Variants in ALCAM observed in about 807,000 individuals in gnomAD.
ALCAM encodes activated leukocyte cell adhesion molecule, also known as CD166 antigen.
Under a neutral mutation model 70.9 loss-of-function variants are expected in ALCAM, and 30 were observed. The observed-to-expected ratio is 0.42, with a 90% CI of 0.32 to 0.57. The LOEUF is 0.57. ALCAM is among the 20% of genes least tolerant of loss of function. The pLI, the probability that ALCAM is intolerant of heterozygous loss-of-function variation, is 0.11. For missense variants in ALCAM, 591 were observed against 695.1 expected (o/e 0.85, Z 1.68); for synonymous variants, 249 against 242.5 (o/e 1.03, Z -0.25).
chr3:105,516,763 A>G (rs1334743230), intron 1 of ALCAM, among the ~76,000 whole-genome samples: 1 of 152,114 alleles, frequency 6.6e-6, no homozygotes, highest in Non-Finnish European at 1.5e-5. Context: ...GCTTATACAC[A>G]CAGCCATAAC....
chr3:105,556,379 T>G (rs966336941), intron 14 of ALCAM, among the ~76,000 whole-genome samples: 2 of 152,110 alleles, frequency 1.3e-5, no homozygotes, highest in African/African-American at 4.8e-5. Flanking sequence ...AAATAGTCAT[T>G]GTGTAAATCT....
chr3:105,556,523 G>A lies in ALCAM; in HGVS notation c.1664+3938G>A, dbSNP rs537855251. Among the ~76,000 whole-genome samples the A allele has an allele frequency of 1.4e-4, 21 of 152,004 alleles. No homozygotes were observed. In the South Asian group the frequency reaches 2.3e-3, roughly 17 times the overall value. On this transcript the variant is annotated intron_variant, in intron 14 of 15. Transcript: ENST00000306107. ...ACCCTTTGTTAGTTCTGCCTTATACGATGCTTTATTATTCCAGTACTTTCT... is the reference window on the plus strand; with the variant it reads ...ACCCTTTGTTAGTTCTGCCTTATACAATGCTTTATTATTCCAGTACTTTCT...
intron 1 of ALCAM, among the ~76,000 whole-genome samples, chr3:105,467,935 G>A (rs955665042): frequency 3.3e-5 from 5 of 150,982 alleles, no homozygotes; most frequent in Non-Finnish European, 7.4e-5. Context: ...CAGTTTTGTT[G>A]ACAACTGAAA....
intron 1 of ALCAM, among the ~76,000 whole-genome samples, chr3:105,434,520 A>G (rs916879359): frequency 3.3e-5 from 5 of 151,956 alleles, no homozygotes; most frequent in African/African-American, 1.2e-4. Flanking sequence ...TTTTCCTCCG[A>G]TTTTGAGTTT....
Position 105,442,967 on chromosome 3 carries a change from C to T in ALCAM, c.73+75486C>T, listed in dbSNP as rs188227544. Among the ~76,000 whole-genome samples, 61 of 152,158 alleles carry T rather than the reference C, an allele frequency of 4.0e-4. 1 individual carries two copies. The highest frequency in any genetic ancestry group is 1.5e-5 in the Non-Finnish European group (1 of 67,982). ...ACTTGAGCCCCCTGAGTAGCTTGGA[C>T]TACAGGTCACCATGCCTGGCTAATT... On this transcript the variant is annotated intron_variant, in intron 1 of 15. Transcript: ENST00000306107.
rs1940943943 is a variant in ALCAM at position 105,575,493 on chromosome 3, CT to C, written c.*1043del. 2.0e-5 allele frequency: 3 copies of C among 152,340 alleles called. No homozygotes were observed. In the South Asian group the frequency reaches 6.2e-4, roughly 32 times the overall value. 9.4% of individuals were successfully genotyped at this position (152,340 alleles called of 1,614,324 possible). ...TTCGTGTGTGTTTTTGTTAACTACC[CT>C]ACAGATATTGAATGCACCTTGAGAT... is the stretch of plus-strand genomic sequence containing the variant. On this transcript the variant is annotated 3_prime_UTR_variant, in exon 16 of 16. Coordinates refer to ENST00000306107, the MANE Select transcript of ALCAM (RefSeq NM_001627.4).
chr3:105,522,531 AT>A (rs1163549995), intron 2 of ALCAM, among the ~76,000 whole-genome samples: 6 of 152,164 alleles, frequency 3.9e-5, no homozygotes, highest in African/African-American at 1.4e-4. Flanking sequence ...CCTGGATCAT[AT>A]TGTAAACTCC....
At chr3:105,419,625 G>A (rs1936594655) in intron 1 of ALCAM, among the ~76,000 whole-genome samples, 1 of 151,686 alleles carries the variant, frequency 6.6e-6, no homozygotes, top group African/African-American at 2.4e-5. Context: ...GCAAAATTTT[G>A]TTAAGCCTTG....
chr3:105,389,938 A>G (rs1187658359), intron 1 of ALCAM, among the ~76,000 whole-genome samples: 1 of 151,964 alleles, frequency 6.6e-6, no homozygotes, highest in African/African-American at 2.4e-5. Context: ...ATGGCTGCAT[A>G]GTATTCCATT....
chr3:105,524,326 G>C lies in ALCAM; in HGVS notation c.212G>C (p.Arg71Thr), dbSNP rs758659906. ...PDGSPVFIAF[R>T]SSTKKSVQYD... ...GGCTCCCCAGTATTTATTGCCTTCA[G>C]ATCCTCTACAAAGAAAAGTGTGCAG... The change falls in exon 3 of 16, where the codon AGA becomes ACA. Residue 71 changes from arginine (R) to threonine (T), a missense_variant. Arg to Thr is a moderately conservative substitution (Grantham distance 71). Transcript: ENST00000306107. The C allele has an allele frequency of 6.2e-7, 1 of 1,614,098 alleles. No individual in the cohort carries two copies. Among genetic ancestry groups the C allele is most frequent in the African/African-American group, 1.3e-5 (1 of 75,030 alleles).
At chr3:105,454,913 C>T (rs1292430550) in intron 1 of ALCAM, among the ~76,000 whole-genome samples, 3 of 151,530 alleles carry the variant, frequency 2.0e-5, no homozygotes, top group Non-Finnish European at 2.9e-5. Context: ...CTCTTGACCT[C>T]AAGTGATATG....
intron 1 of ALCAM, among the ~76,000 whole-genome samples, chr3:105,518,072 G>A (rs1276900911): frequency 6.6e-6 from 1 of 151,970 alleles, no homozygotes; most frequent in African/African-American, 2.4e-5. Flanking sequence ...AAAGAAAAAT[G>A]GTCTGTGAGA....
chr3:105,445,220 A>G (rs930343546), intron 1 of ALCAM, among the ~76,000 whole-genome samples: 13 of 152,206 alleles, frequency 8.5e-5, no homozygotes, highest in Non-Finnish European at 1.6e-4. Context: ...CCGATTTACA[A>G]TAACTAACAA....
chr3:105,541,185 T>C (rs1300419925), intron 7 of ALCAM, among the ~76,000 whole-genome samples: 2 of 151,680 alleles, frequency 1.3e-5, no homozygotes, highest in African/African-American at 4.8e-5. Context: ...TTCTTTCTCA[T>C]TCTTCTCATT....
chr3:105,545,374 G>T, intron 9 of ALCAM, 39 bp downstream of exon 9: 1 of 1,475,542 alleles, frequency 6.8e-7, no homozygotes, highest in South Asian at 1.1e-5. Context: ...TGTTTGGTTT[G>T]ATTTCTTTTT....
intron 1 of ALCAM, among the ~76,000 whole-genome samples, chr3:105,377,283 CA>C (rs1299650920): frequency 3.3e-5 from 5 of 152,040 alleles, no homozygotes; most frequent in African/African-American, 1.2e-4. Flanking sequence ...TTCGTTATTA[CA>C]AACTAGAGCA....
At chr3:105,539,946 T>C (rs373142677) in intron 6 of ALCAM, 29 bp from the exon 7 acceptor site, 19 of 1,608,058 alleles carry the variant, frequency 1.2e-5, no homozygotes, top group Non-Finnish European at 1.5e-5. Context: ...TTGACAAAAA[T>C]GGTTAACTTG....
intron 1 of ALCAM, among the ~76,000 whole-genome samples, chr3:105,446,602 A>G (rs1422022899): frequency 2.3e-5 from 3 of 128,844 alleles, no homozygotes; most frequent in Non-Finnish European, 4.9e-5. Flanking sequence ...GATAAAGGAA[A>G]TTTGGTGTAC....
At chr3:105,498,030 CAA>C (rs769545606) in intron 1 of ALCAM, among the ~76,000 whole-genome samples, 22 of 103,016 alleles carry the variant, frequency 2.1e-4, no homozygotes, top group Admixed American at 2.1e-4. Flanking sequence ...GACTCTGCCT[CAA>C]AAAAAAAAAA....
Sources: allele counts gnomAD v4.1 joint callset (sites outside exome capture counted in the v4.1 genomes callset), GRCh38; gene constraint gnomAD v4.1.1; transcripts MANE v1.5; gene names NCBI Gene and HGNC (gene_info 2026-07-23, HGNC 2026-07-21).